PARD3B: variants seen among roughly 807,000 people sequenced by gnomAD.
PARD3B encodes partitioning defective 3 homolog B.
In PARD3B, 103 loss-of-function variants were observed where a neutral mutation model predicts 130.2. The ratio of observed to expected loss-of-function variants is 0.79; its 90% CI spans 0.67 to 0.93. The LOEUF is 0.93. Ranked by LOEUF, PARD3B falls within the 40% of genes least tolerant of loss-of-function variation. The pLI, the probability that PARD3B is intolerant of heterozygous loss-of-function variation, is 0.00. For missense variants in PARD3B, 1,609 were observed against 1,499.2 expected, an observed-to-expected ratio of 1.07 and a Z score of -1.21; for synonymous variants, 583 against 553.2, an observed-to-expected ratio of 1.05 and a Z score of -0.76.
chr2:205,208,743 T>C (rs1048477426), intron 15 of PARD3B, among the ~76,000 whole-genome samples: 2 of 145,150 alleles, frequency 1.4e-5, no homozygotes, highest in African/African-American at 2.7e-5. Context: ...TGGAAGAACA[T>C]TCCATGCTCA....
intron 22 of PARD3B, among the ~76,000 whole-genome samples, chr2:205,594,122 T>C (rs1575443858): frequency 6.6e-6 from 1 of 152,182 alleles, no homozygotes; most frequent in African/African-American, 2.4e-5. Context: ...GCCATGAAAT[T>C]ATAACCCCTG....
Position 204,884,261 on chromosome 2 carries a change from T to C in PARD3B, c.223-80891T>C, listed in dbSNP as rs550397753. Among the ~76,000 whole-genome samples, 12 of 152,188 alleles carry C rather than the reference T, an allele frequency of 7.9e-5. No individual in the cohort carries two copies. In the East Asian group the frequency reaches 2.3e-3, roughly 29 times the overall value. On this transcript the variant is annotated intron_variant, in intron 2 of 22. Transcript: ENST00000406610. ...TGTCTACAAATTTGAAATGTTACCA[T>C]TGAAATAAATGAATCAGGCTCACTT... is the stretch of plus-strand genomic sequence containing the variant.
At chr2:205,380,339 GAATATAT>G (rs1385543366) in intron 18 of PARD3B, among the ~76,000 whole-genome samples, 24 of 16,158 alleles carry the variant, frequency 1.5e-3, no homozygotes, top group Non-Finnish European at 1.2e-3. Context: ...AATATATAAA[GAATATAT>G]AATATATAAT....
chr2:205,334,884 C>T (rs978821348), intron 18 of PARD3B, among the ~76,000 whole-genome samples: 1 of 152,218 alleles, frequency 6.6e-6, no homozygotes, highest in Non-Finnish European at 1.5e-5. Flanking sequence ...GTGTCTTTTA[C>T]CTAAGGCAGA....
At chr2:204,981,345 CTG>C (rs1295576501) in intron 3 of PARD3B, among the ~76,000 whole-genome samples, 1 of 152,056 alleles carries the variant, frequency 6.6e-6, no homozygotes, top group African/African-American at 2.4e-5. Context: ...AAATAATAAA[CTG>C]TGGTGTATGC....
In PARD3B at chr2:205,341,106, A is replaced by C. The variant is rs1013908784; in HGVS notation, c.2630+39405A>C. On this transcript the variant is annotated intron_variant, in intron 18 of 22. Coordinates refer to ENST00000406610, the MANE Select transcript of PARD3B (RefSeq NM_001302769.2). This position sits in a 1 kb window ranked among gnomAD's most constrained non-coding sequence, Gnocchi z 4.3. ...AAAAATAAAAAATAAAAAAATAAAA[A>C]ATGCTAAAGAAAAGGGAACTCTTAG... 1.3e-5 allele frequency among the ~76,000 whole-genome samples: 2 copies of C among 152,078 alleles called. No individual in the cohort carries two copies. Among genetic ancestry groups the C allele is most frequent in the Non-Finnish European group, 2.9e-5 (2 of 67,952 alleles).
chr2:204,711,737 G>A (rs1220138573), intron 2 of PARD3B, among the ~76,000 whole-genome samples: 1 of 151,934 alleles, frequency 6.6e-6, no homozygotes, highest in Non-Finnish European at 1.5e-5. Context: ...CAGTAGAGAT[G>A]GGGTTTCGCC....
chr2:205,412,287 A>G (rs564890616), intron 19 of PARD3B, among the ~76,000 whole-genome samples: 1 of 152,230 alleles, frequency 6.6e-6, no homozygotes, highest in African/African-American at 2.4e-5. Context: ...AGAGTTAGAG[A>G]GGCTGAAGTG....
chr2:205,053,775 A>G (rs1196719111), intron 4 of PARD3B, among the ~76,000 whole-genome samples: 1 of 152,200 alleles, frequency 6.6e-6, no homozygotes, highest in East Asian at 1.9e-4. Context: ...GTGTATTAGA[A>G]GGATGGCTCT....
rs556539380 is a variant in PARD3B, at chr2:204,828,854, A to G, written c.223-136298A>G. 6.6e-5 allele frequency among the ~76,000 whole-genome samples: 10 copies of G among 152,260 alleles called. No individual in the cohort carries two copies. In the East Asian group the frequency reaches 1.7e-3, roughly 26 times the overall value. ...CATTGTCTGCAGGGTCAAATTGAAA[A>G]TCCTTATCATGGAATATGAAACTTA... On this transcript the variant is annotated intron_variant, in intron 2 of 22. Transcript: ENST00000406610.
intron 18 of PARD3B, among the ~76,000 whole-genome samples, chr2:205,372,302 A>G (rs993311698): frequency 1.9e-4 from 29 of 152,168 alleles, no homozygotes; most frequent in Admixed American, 1.8e-3. Flanking sequence ...TAATTTATCT[A>G]CATCCTCACA....
intron 1 of PARD3B, among the ~76,000 whole-genome samples, chr2:204,680,427 T>A (rs1390747818): frequency 6.6e-6 from 1 of 152,108 alleles, no homozygotes; most frequent in Admixed American, 6.5e-5. Flanking sequence ...TGTTCCTTCC[T>A]GATATTGGAA....
At chr2:204,553,663 T>TGG (rs2030674418) in intron 1 of PARD3B, among the ~76,000 whole-genome samples, 3 of 15,904 alleles carry the variant, frequency 1.9e-4, no homozygotes, top group African/African-American at 3.1e-4. Flanking sequence ...TATATATATA[T>TGG]ATATATATAT....
At chr2:205,182,585 A>G (rs975674161) in intron 13 of PARD3B, among the ~76,000 whole-genome samples, 1 of 152,236 alleles carries the variant, frequency 6.6e-6, no homozygotes, top group African/African-American at 2.4e-5. Flanking sequence ...ATAGATAAAT[A>G]GATAATAGCT....
intron 22 of PARD3B, among the ~76,000 whole-genome samples, chr2:205,559,316 T>C (rs2053037163): frequency 6.6e-6 from 1 of 152,068 alleles, no homozygotes; most frequent in Admixed American, 6.5e-5. Flanking sequence ...AGCTAAATTT[T>C]GCATTTTTTT....
intron 19 of PARD3B, among the ~76,000 whole-genome samples, chr2:205,427,151 C>T (rs142667251): frequency 2.0e-5 from 3 of 152,200 alleles, no homozygotes; most frequent in African/African-American, 4.8e-5. Flanking sequence ...CAGGCATCCT[C>T]TTACAGTGTA....
intron 16 of PARD3B, among the ~76,000 whole-genome samples, chr2:205,254,651 A>AGTATT (rs746695854): frequency 2.6e-5 from 4 of 151,258 alleles, no homozygotes; most frequent in Non-Finnish European, 5.9e-5. Flanking sequence ...GATGAATTTC[A>AGTATT]GTATTTTATT....
chr2:204,899,879 C>A (rs577639201), intron 2 of PARD3B, among the ~76,000 whole-genome samples: 2 of 151,132 alleles, frequency 1.3e-5, no homozygotes, highest in South Asian at 4.2e-4. Flanking sequence ...GATATACTAT[C>A]CTTTGATAAA....
chr2:205,066,950 G>A (rs1700419740), intron 4 of PARD3B, among the ~76,000 whole-genome samples: 2 of 152,150 alleles, frequency 1.3e-5, no homozygotes, highest in African/African-American at 2.4e-5. Context: ...CATGCAGTGC[G>A]TGAGGGGAAG....
Sources: gnomAD v4.1 joint callset for allele counts (sites outside exome capture counted in the v4.1 genomes callset) on GRCh38, gnomAD v4.1.1 for gene constraint, Gnocchi (gnomAD v3.1) non-coding constraint, MANE v1.5 for transcripts, NCBI Gene and HGNC (gene_info 2026-07-23, HGNC 2026-07-21) for gene names.